KCNIP4: variants seen among roughly 807,000 people sequenced by gnomAD.
The protein encoded by KCNIP4 is potassium voltage-gated channel interacting protein 4.
In KCNIP4, 12 loss-of-function variants were observed where a neutral mutation model predicts 34.0. The ratio of observed to expected loss-of-function variants is 0.35; its 90% CI spans 0.23 to 0.57. The LOEUF (loss-of-function observed/expected upper bound fraction) is 0.57, where lower values mean the gene tolerates loss of function less well. Among genes scored for constraint, KCNIP4 ranks in the 20% least tolerant of loss-of-function variants. KCNIP4 has a pLI of 0.83. For missense variants in KCNIP4, 238 were observed against 311.7 expected, an observed-to-expected ratio of 0.76 and a Z score of 1.78; for synonymous variants, 124 against 102.2, an observed-to-expected ratio of 1.21 and a Z score of -1.29.
chr4:21,234,200 C>CAT (rs1290282519), intron 1 of KCNIP4, among the ~76,000 whole-genome samples: 2 of 78,530 alleles, frequency 2.5e-5, no homozygotes, highest in Non-Finnish European at 4.0e-5. Flanking sequence ...TTATATATAA[C>CAT]ATATATAACG....
intron 1 of KCNIP4, among the ~76,000 whole-genome samples, chr4:21,928,127 T>TATATATACAC (rs141651426): frequency 0.015 from 2,228 of 143,886 alleles, 24 homozygotes; most frequent in East Asian, 0.028. Flanking sequence ...TATATATATA[T>TATATATACAC]ACACACACAC....
chr4:21,080,237 A>C (rs918821366), intron 1 of KCNIP4, among the ~76,000 whole-genome samples: 1 of 151,838 alleles, frequency 6.6e-6, no homozygotes, highest in Non-Finnish European at 1.5e-5. Flanking sequence ...TTACATGACT[A>C]TTTCCTCACC....
intron 1 of KCNIP4, among the ~76,000 whole-genome samples, chr4:20,933,774 A>G (rs1216647749): frequency 6.6e-6 from 1 of 151,914 alleles, no homozygotes; most frequent in Non-Finnish European, 1.5e-5. Flanking sequence ...TTTAGCCAGT[A>G]CTGAATTGAA....
intron 1 of KCNIP4, among the ~76,000 whole-genome samples, chr4:21,192,943 C>A (rs377017720): frequency 0.43 from 62,963 of 144,810 alleles, 16,180 homozygotes; most frequent in African/African-American, 0.72. Flanking sequence ...ACTACTACTA[C>A]TACTACTACT....
chr4:21,346,645 C>A (rs1457651278), intron 1 of KCNIP4, among the ~76,000 whole-genome samples: 2 of 151,936 alleles, frequency 1.3e-5, no homozygotes, highest in Non-Finnish European at 2.9e-5. Context: ...AAATTACATT[C>A]TTTAGTACAT....
intron 1 of KCNIP4, among the ~76,000 whole-genome samples, chr4:21,887,777 G>A (rs1288753053): frequency 2.6e-5 from 4 of 152,138 alleles, no homozygotes; most frequent in African/African-American, 9.7e-5. Context: ...AAAAGAGGTT[G>A]TAACCATCCT....
chr4:21,232,786 A>G (rs1320016435), intron 1 of KCNIP4, among the ~76,000 whole-genome samples: 1 of 152,210 alleles, frequency 6.6e-6, no homozygotes, highest in Non-Finnish European at 1.5e-5. Context: ...GAAAGTAATT[A>G]GCTAAAATGC....
chr4:21,511,474 T>C (rs777770054), intron 1 of KCNIP4, among the ~76,000 whole-genome samples: 1 of 152,112 alleles, frequency 6.6e-6, no homozygotes, highest in Admixed American at 6.6e-5. Context: ...AAAAGACACG[T>C]ACATGAAAAA....
At chr4:21,022,406 T>C (rs936158232) in intron 1 of KCNIP4, among the ~76,000 whole-genome samples, 2 of 152,230 alleles carry the variant, frequency 1.3e-5, no homozygotes, top group Non-Finnish European at 2.9e-5. Flanking sequence ...AAACATTTCA[T>C]TTGATGCTAT....
intron 1 of KCNIP4, among the ~76,000 whole-genome samples, chr4:21,140,800 C>T (rs1577769448): frequency 6.6e-6 from 1 of 152,226 alleles, no homozygotes; most frequent in African/African-American, 2.4e-5. Context: ...AGGTTGGTTG[C>T]CAAGGTTGGA....
At chr4:21,402,166 T>C (rs1443528932) in intron 1 of KCNIP4, among the ~76,000 whole-genome samples, 1 of 152,194 alleles carries the variant, frequency 6.6e-6, no homozygotes. Flanking sequence ...AAAAAATTAT[T>C]TGTCTTCTTC....
chr4:21,219,806 A>T (rs1757857588), intron 1 of KCNIP4, among the ~76,000 whole-genome samples: 1 of 152,020 alleles, frequency 6.6e-6, no homozygotes, highest in Admixed American at 6.6e-5. Context: ...TTTTAAAATT[A>T]GAGATAAAAT....
chr4:21,359,405 A>G (rs1422045441), intron 1 of KCNIP4, among the ~76,000 whole-genome samples: 1 of 152,084 alleles, frequency 6.6e-6, no homozygotes, highest in African/African-American at 2.4e-5. Context: ...TTTATGTATG[A>G]TTATATAAAT....
intron 1 of KCNIP4, among the ~76,000 whole-genome samples, chr4:21,529,216 A>T (rs1736449924): frequency 6.6e-6 from 1 of 152,200 alleles, no homozygotes; most frequent in South Asian, 2.1e-4. Flanking sequence ...CCTACTATAG[A>T]CAAATGGATT....
chr4:21,860,544 T>C (rs150201267), intron 1 of KCNIP4, among the ~76,000 whole-genome samples: 10 of 152,308 alleles, frequency 6.6e-5, no homozygotes, highest in African/African-American at 9.6e-5. Flanking sequence ...AATTATTTTA[T>C]CTCACCTAAA....
At chr4:20,921,204 T>C (rs1729363545) in intron 1 of KCNIP4, among the ~76,000 whole-genome samples, 1 of 151,926 alleles carries the variant, frequency 6.6e-6, no homozygotes, top group South Asian at 2.1e-4. Flanking sequence ...ACTGACAGGA[T>C]TGGAGATAGA....
intron 1 of KCNIP4, among the ~76,000 whole-genome samples, chr4:20,975,003 T>C (rs1735342278): frequency 2.0e-5 from 3 of 152,204 alleles, no homozygotes; most frequent in Admixed American, 1.3e-4. Flanking sequence ...CAAGTATCAT[T>C]TCATTTAAAT....
Position 21,467,973 on chromosome 4 carries a change from C to G in KCNIP4, c.61+480598G>C, listed in dbSNP as rs556755625. On this transcript the variant is annotated intron_variant, in intron 1 of 8. Coordinates refer to ENST00000382152, the MANE Select transcript of KCNIP4 (RefSeq NM_025221.6). ...TAGCACCAGCAAACCCTGAGAGATC[C>G]TGCCAGATGGAAAGCTGGCACTGAT... Among the ~76,000 whole-genome samples the G allele has an allele frequency of 3.9e-5, 6 of 152,240 alleles. No individual in the cohort carries two copies. The East Asian group carries it at 1.2e-3, about 29-fold the overall frequency.
At chr4:20,843,573 T>C (rs1720009186) in intron 3 of KCNIP4, among the ~76,000 whole-genome samples, 1 of 151,820 alleles carries the variant, frequency 6.6e-6, no homozygotes, top group African/African-American at 2.4e-5. Flanking sequence ...CTACCAAAAG[T>C]AGAAAAATTA....
Sources: gnomAD v4.1 joint callset for allele counts (sites outside exome capture counted in the v4.1 genomes callset) on GRCh38, gnomAD v4.1.1 for gene constraint, MANE v1.5 for transcripts, NCBI Gene and HGNC (gene_info 2026-07-23, HGNC 2026-07-21) for gene names.